RAPGEF4: variants seen among roughly 807,000 people sequenced by gnomAD.
RAPGEF4 encodes the protein RAP guanine-nucleotide-exchange factor (GEF) 4.
In RAPGEF4, 66 loss-of-function variants were observed where a neutral mutation model predicts 147.9. The observed-to-expected ratio is 0.45, with a 90% confidence interval of 0.37 to 0.55. RAPGEF4 has a LOEUF of 0.55. RAPGEF4 is among the 20% of genes least tolerant of loss of function. The probability of loss-of-function intolerance (pLI) is 0.00; values close to 1 mark genes in which losing one functional copy is unlikely to be tolerated. For synonymous variants in RAPGEF4, 419 were observed against 442.7 expected (o/e 0.95, Z 0.67); for missense variants, 1,071 against 1,257.3 (o/e 0.85, Z 2.24).
At chr2:172,817,972 A>G (rs932811819) in intron 4 of RAPGEF4, among the ~76,000 whole-genome samples, 1 of 148,454 alleles carries the variant, frequency 6.7e-6, no homozygotes, top group Non-Finnish European at 1.5e-5. Context: ...ATATATATAT[A>G]TATACACACA....
chr2:172,826,330 G>A (rs1035171550), intron 4 of RAPGEF4, among the ~76,000 whole-genome samples: 2 of 152,110 alleles, frequency 1.3e-5, no homozygotes, highest in Non-Finnish European at 2.9e-5. Context: ...TAATAGTTGT[G>A]GAGAAAGTAC....
intron 4 of RAPGEF4, among the ~76,000 whole-genome samples, chr2:172,889,473 A>G (rs1165198459): frequency 6.6e-6 from 1 of 152,178 alleles, no homozygotes; most frequent in Non-Finnish European, 1.5e-5. Context: ...ATCTGTTCAT[A>G]GAACTACTTT....
intron 4 of RAPGEF4, among the ~76,000 whole-genome samples, chr2:172,915,440 C>G (rs1575223229): frequency 6.6e-6 from 1 of 151,994 alleles, no homozygotes; most frequent in East Asian, 1.9e-4. Context: ...GTGGCTCAAG[C>G]CTGTAATCCC....
intron 9 of RAPGEF4, among the ~76,000 whole-genome samples, chr2:172,966,091 C>A (rs1689810001): frequency 6.6e-6 from 1 of 152,132 alleles, no homozygotes; most frequent in Admixed American, 6.6e-5. Flanking sequence ...TCGGAAGCTG[C>A]CTTTTAATTG....
intron 1 of RAPGEF4, among the ~76,000 whole-genome samples, chr2:172,767,905 C>A (rs1287442181): frequency 2.0e-5 from 3 of 152,032 alleles, no homozygotes; most frequent in African/African-American, 7.2e-5. Context: ...TGCAGTGGCA[C>A]AATCTCGGCT....
rs1358517564 is a variant in RAPGEF4, at chr2:172,869,694, G to A, written c.445-48108G>A. On this transcript the variant is annotated intron_variant, in intron 4 of 30. Coordinates refer to ENST00000397081, the MANE Select transcript of RAPGEF4 (RefSeq NM_007023.4). ...ACTCTACTTTTGACCTACAAAAATGGTGATTTTGTATGTTCAGCCTTAATA... is the reference window on the plus strand; with the variant it reads ...ACTCTACTTTTGACCTACAAAAATGATGATTTTGTATGTTCAGCCTTAATA... Among the ~76,000 whole-genome samples, 4 of 152,044 alleles carry A rather than the reference G, an allele frequency of 2.6e-5. No individual in the cohort carries two copies. In the South Asian group the frequency reaches 6.2e-4, roughly 24 times the overall value.
At chr2:172,896,399 C>A (rs919718867) in intron 4 of RAPGEF4, among the ~76,000 whole-genome samples, 4 of 152,112 alleles carry the variant, frequency 2.6e-5, no homozygotes, top group Non-Finnish European at 5.9e-5. Context: ...GTGTTTAATT[C>A]TCTTACTCAC....
At chr2:172,807,919 A>C (rs1028359775) in intron 3 of RAPGEF4, among the ~76,000 whole-genome samples, 1 of 152,272 alleles carries the variant, frequency 6.6e-6, no homozygotes, top group East Asian at 1.9e-4. Context: ...TTAAATGTGC[A>C]TAATAAGATG....
chr2:172,785,074 CTTGGCTTCCCAAAATGCTGGGATT>C (rs1485790273), intron 1 of RAPGEF4, among the ~76,000 whole-genome samples: 16 of 152,238 alleles, frequency 1.1e-4, no homozygotes, highest in Non-Finnish European at 1.5e-5. Flanking sequence ...ATCTGCCCGC[CTTGGCTTCCCAAAATGCTGGGATT>C]ACAGGCGTGA....
chr2:172,931,369 G>A (rs1575284700), intron 6 of RAPGEF4, among the ~76,000 whole-genome samples: 1 of 152,250 alleles, frequency 6.6e-6, no homozygotes, highest in East Asian at 1.9e-4. Context: ...GCAGGCCTGT[G>A]GGTTCTGGTG....
intron 4 of RAPGEF4, among the ~76,000 whole-genome samples, chr2:172,906,290 G>A (rs1699621975): frequency 6.6e-6 from 1 of 152,138 alleles, no homozygotes; most frequent in Admixed American, 6.5e-5. Flanking sequence ...CATAATGAAT[G>A]GGACCTTATG....
intron 1 of RAPGEF4, among the ~76,000 whole-genome samples, chr2:172,736,956 C>G (rs932946821): frequency 6.6e-6 from 1 of 152,158 alleles, no homozygotes; most frequent in African/African-American, 2.4e-5. Context: ...TGCATGACAT[C>G]TCTATTTGCA....
At chr2:172,748,394 A>G (rs1694961303) in intron 1 of RAPGEF4, among the ~76,000 whole-genome samples, 1 of 152,214 alleles carries the variant, frequency 6.6e-6, no homozygotes, top group Non-Finnish European at 1.5e-5. Flanking sequence ...CCTTATAATC[A>G]TGGCAGAAGG....
At chr2:173,012,538 G>A (rs16861161) in intron 17 of RAPGEF4, among the ~76,000 whole-genome samples, 11,644 of 152,246 alleles carry the variant, frequency 0.076, 688 homozygotes, top group South Asian at 0.15. Context: ...CAGTGGCAAC[G>A]TAGCATTGTA....
intron 29 of RAPGEF4, among the ~76,000 whole-genome samples, chr2:173,046,919 C>G (rs1004974997): frequency 6.6e-6 from 1 of 152,168 alleles, no homozygotes; most frequent in African/African-American, 2.4e-5. Context: ...GGCCTTGACT[C>G]ATCTATGATT....
chr2:172,952,629 A>G (rs907350950), intron 6 of RAPGEF4, among the ~76,000 whole-genome samples: 2 of 152,216 alleles, frequency 1.3e-5, no homozygotes, highest in Non-Finnish European at 2.9e-5. Flanking sequence ...CCAATTTGTA[A>G]GGAAAAAATG....
chr2:172,950,278 C>T (rs1413507857), intron 6 of RAPGEF4, among the ~76,000 whole-genome samples: 1 of 152,128 alleles, frequency 6.6e-6, no homozygotes, highest in Non-Finnish European at 1.5e-5. Flanking sequence ...CCAATGTGTG[C>T]ACTTTGGGAG....
intron 4 of RAPGEF4, among the ~76,000 whole-genome samples, chr2:172,881,218 A>G (rs1320038353): frequency 6.6e-6 from 1 of 152,100 alleles, no homozygotes; most frequent in Non-Finnish European, 1.5e-5. Context: ...ACTAAGCTCC[A>G]TGGCCAGCTT....
At chr2:172,972,188 C>T (rs569624440) in intron 10 of RAPGEF4, among the ~76,000 whole-genome samples, 2 of 152,308 alleles carry the variant, frequency 1.3e-5, no homozygotes, top group South Asian at 4.1e-4. Flanking sequence ...CTGTTCGATT[C>T]CACACACTTG....
Sources: allele counts gnomAD v4.1 joint callset (sites outside exome capture counted in the v4.1 genomes callset), GRCh38; gene constraint gnomAD v4.1.1; transcripts MANE v1.5; gene names NCBI Gene and HGNC (gene_info 2026-07-23, HGNC 2026-07-21).